PKNOX2: variants seen among roughly 807,000 people sequenced by gnomAD.
The protein encoded by PKNOX2 is PBX/knotted 1 homeobox 2, also known as homeobox protein PKNOX2.
Under a neutral mutation model 53.1 loss-of-function variants are expected in PKNOX2, and 14 were observed. The observed-to-expected ratio is 0.26, with a 90% CI of 0.17 to 0.41. PKNOX2 has a LOEUF of 0.41. Among genes scored for constraint, PKNOX2 ranks in the 10% least tolerant of loss-of-function variants. PKNOX2 has a pLI of 1.00. For synonymous variants in PKNOX2, 257 were observed against 242.8 expected (o/e 1.06, Z -0.54); for missense variants, 496 against 602.8 (o/e 0.82, Z 1.85).
intron 6 of PKNOX2, among the ~76,000 whole-genome samples, chr11:125,391,094 G>A (rs1163941293): frequency 6.6e-6 from 1 of 152,196 alleles, no homozygotes; most frequent in Non-Finnish European, 1.5e-5. Context: ...CCGTGAGGGA[G>A]AATAGTTCCA....
intron 10 of PKNOX2, among the ~76,000 whole-genome samples, chr11:125,416,005 T>C (rs1955851496): frequency 6.6e-6 from 1 of 152,132 alleles, no homozygotes; most frequent in African/African-American, 2.4e-5. Flanking sequence ...TCCACCTCAA[T>C]AGAAAGTGGA....
At chr11:125,296,741 T>A (rs1947686254) in intron 2 of PKNOX2, among the ~76,000 whole-genome samples, 4 of 152,188 alleles carry the variant, frequency 2.6e-5, no homozygotes, top group Non-Finnish European at 5.9e-5. Context: ...GTTCAAGCGA[T>A]TCTCCTGCTT....
intron 2 of PKNOX2, among the ~76,000 whole-genome samples, chr11:125,318,448 C>T (rs116322852): frequency 0.029 from 4,443 of 152,048 alleles, 220 homozygotes; most frequent in African/African-American, 0.1. Context: ...GCTTTCTCAC[C>T]TCTCTCCGCC....
intron 2 of PKNOX2, among the ~76,000 whole-genome samples, chr11:125,242,239 C>T (rs74325914): frequency 0.02 from 3,001 of 152,230 alleles, 104 homozygotes; most frequent in African/African-American, 0.068. Flanking sequence ...CTGTTGTCAT[C>T]GGAGGGCAAG....
chr11:125,350,078 C>T (rs1181298917), intron 3 of PKNOX2, among the ~76,000 whole-genome samples: 2 of 152,158 alleles, frequency 1.3e-5, no homozygotes, highest in African/African-American at 4.8e-5. Context: ...GTGCCCTCCA[C>T]CCAGGAGAAG....
At chr11:125,217,246 T>C (rs1940637205) in intron 1 of PKNOX2, among the ~76,000 whole-genome samples, 1 of 152,128 alleles carries the variant, frequency 6.6e-6, no homozygotes, top group African/African-American at 2.4e-5. Context: ...CTCCTGGATC[T>C]CTCTCCTTCC....
intron 1 of PKNOX2, among the ~76,000 whole-genome samples, chr11:125,215,197 C>A (rs1023200026): frequency 6.6e-6 from 1 of 152,022 alleles, no homozygotes. Context: ...CTGTTCTTCC[C>A]CCACCAGGAA....
chr11:125,274,953 T>A (rs1377438518), intron 2 of PKNOX2, among the ~76,000 whole-genome samples: 5 of 152,158 alleles, frequency 3.3e-5, no homozygotes. Flanking sequence ...CATCTAGCCA[T>A]AAATCGCTTC....
At chr11:125,270,018 A>C (rs1481244577) in intron 2 of PKNOX2, among the ~76,000 whole-genome samples, 1 of 152,184 alleles carries the variant, frequency 6.6e-6, no homozygotes, top group Non-Finnish European at 1.5e-5. Flanking sequence ...GAAAATATCC[A>C]GTTTCTGAAT....
At chr11:125,238,003 T>TC (rs1298967098) in intron 2 of PKNOX2, among the ~76,000 whole-genome samples, 1 of 152,196 alleles carries the variant, frequency 6.6e-6, no homozygotes, top group Non-Finnish European at 1.5e-5. Context: ...TGACCTCACG[T>TC]CCCCTGCTCT....
At chr11:125,341,678 G>A (rs1349086004) in intron 3 of PKNOX2, among the ~76,000 whole-genome samples, 1 of 152,248 alleles carries the variant, frequency 6.6e-6, no homozygotes, top group African/African-American at 2.4e-5. Context: ...TGGAACAGTA[G>A]GCTTTGGAGC....
At chr11:125,430,825 C>G (rs1346750141) in intron 12 of PKNOX2, among the ~76,000 whole-genome samples, 1 of 151,830 alleles carries the variant, frequency 6.6e-6, no homozygotes, top group East Asian at 1.9e-4. Context: ...TCATCGCTGA[C>G]AATGTCATCT....
At chr11:125,309,005 T>A (rs1948629833) in intron 2 of PKNOX2, among the ~76,000 whole-genome samples, 1 of 152,204 alleles carries the variant, frequency 6.6e-6, no homozygotes, top group East Asian at 1.9e-4. Flanking sequence ...CACTCCATAT[T>A]ACCAATGTTC....
chr11:125,411,620 C>T, intron 9 of PKNOX2, 126 bp from the exon 10 acceptor site: 2 of 1,512,110 alleles, frequency 1.3e-6, no homozygotes, highest in South Asian at 2.3e-5. Context: ...AGGTGACCTC[C>T]CCAGGGCCCT....
intron 5 of PKNOX2, among the ~76,000 whole-genome samples, chr11:125,382,325 G>A (rs916483319): frequency 1.4e-4 from 21 of 152,102 alleles, no homozygotes; most frequent in Non-Finnish European, 1.6e-4. Context: ...ATATGCACGC[G>A]CACACACACA....
rs149164481 is a variant in PKNOX2, at chr11:125,209,436, C to T, written c.-200-25609C>T. ...ACACACACTCACAATTGATGGGCAT[C>T]ACTATGGGATGGAGGGTCAGAGACC... On this transcript the variant is annotated intron_variant, in intron 1 of 12. Coordinates refer to ENST00000298282, the MANE Select transcript of PKNOX2 (RefSeq NM_001382323.2). Among the ~76,000 whole-genome samples the T allele has an allele frequency of 3.3e-3, 501 of 151,996 alleles. 3 individuals are homozygous for T. The highest frequency in any genetic ancestry group is 0.012 in the African/African-American group (483 of 41,444).
chr11:125,404,939 C>T (rs1264012240), intron 7 of PKNOX2, among the ~76,000 whole-genome samples: 1 of 152,188 alleles, frequency 6.6e-6, no homozygotes, highest in African/African-American at 2.4e-5. Context: ...AGAAAGGAGA[C>T]ATTCAGAACC....
intron 3 of PKNOX2, 134 bp from the exon 4 acceptor site, chr11:125,351,150 C>A (rs530630720): frequency 1.4e-6 from 1 of 692,432 alleles, no homozygotes. Flanking sequence ...CATTTGTTGC[C>A]CTGAAGGGCG....
chr11:125,376,614 C>T (rs1209600282), intron 5 of PKNOX2, among the ~76,000 whole-genome samples: 1 of 152,220 alleles, frequency 6.6e-6, no homozygotes, highest in Non-Finnish European at 1.5e-5. Flanking sequence ...GATTCTGAGC[C>T]TGAAAGAACT....
Sources: allele counts gnomAD v4.1 joint callset (sites outside exome capture counted in the v4.1 genomes callset), GRCh38; gene constraint gnomAD v4.1.1; transcripts MANE v1.5; gene names NCBI Gene and HGNC (gene_info 2026-07-23, HGNC 2026-07-21).